The following CFTR variants were observed in gnomAD, a reference collection of about 807,000 sequenced individuals.
The protein encoded by CFTR is CF transmembrane conductance regulator.
A neutral mutation model predicts 171.6 loss-of-function variants in CFTR; 181 were observed. That is an observed-to-expected ratio of 1.05 (90% confidence interval 0.93 to 1.19). The LOEUF is 1.19. Among genes scored for constraint, CFTR ranks in the 50% most tolerant of loss-of-function variants. The pLI is 0.00. For missense variants in CFTR, 1,968 were observed against 1,734.7 expected, an observed-to-expected ratio of 1.13 and a Z score of -2.39; for synonymous variants, 583 against 608.0, an observed-to-expected ratio of 0.96 and a Z score of 0.60.
At chr7:117,581,314 G>A (rs905283682) in intron 11 of CFTR, among the ~76,000 whole-genome samples, 2 of 152,020 alleles carry the variant, frequency 1.3e-5, no homozygotes, top group African/African-American at 4.8e-5. Context: ...TGCTTTTTGT[G>A]TACATCATCT....
chr7:117,531,307 A>G (rs1318367023), intron 4 of CFTR, among the ~76,000 whole-genome samples, 193 bp downstream of exon 4: 1 of 152,146 alleles, frequency 6.6e-6, no homozygotes, highest in Non-Finnish European at 1.5e-5. Flanking sequence ...TTAAACTGAT[A>G]ATTATTGAGT....
chr7:117,652,607 T>C (rs1793104465), intron 23 of CFTR, among the ~76,000 whole-genome samples: 1 of 152,218 alleles, frequency 6.6e-6, no homozygotes, highest in East Asian at 1.9e-4. Flanking sequence ...ACATTGGGAT[T>C]AGAAAAATGT....
intron 22 of CFTR, among the ~76,000 whole-genome samples, chr7:117,640,811 A>C (rs891718981): frequency 2.6e-5 from 4 of 152,188 alleles, no homozygotes; most frequent in Non-Finnish European, 1.5e-5. Context: ...TATTTGTTAG[A>C]TCAGCTAAAT....
intron 10 of CFTR, among the ~76,000 whole-genome samples, chr7:117,554,482 A>G (rs897334009): frequency 6.6e-6 from 1 of 152,132 alleles, no homozygotes; most frequent in South Asian, 2.1e-4. Flanking sequence ...ATTAAGTTTG[A>G]AATGCCTATT....
At chr7:117,591,876 G>C (rs140866245) in intron 13 of CFTR, 58 bp from the exon 14 acceptor site, 4 of 1,075,854 alleles carry the variant, frequency 3.7e-6, no homozygotes, top group Non-Finnish European at 5.4e-6. Flanking sequence ...TAAAATACGA[G>C]ACATATTGCA....
chr7:117,480,232 G>A, intron 1 of CFTR, 85 bp downstream of exon 1: 2 of 1,240,488 alleles, frequency 1.6e-6, no homozygotes, highest in Non-Finnish European at 1.2e-6. Flanking sequence ...TGGGGTAAAG[G>A]AATAAGCAGT....
At chr7:117,609,212 T>C (rs1360405576) in intron 18 of CFTR, among the ~76,000 whole-genome samples, 2 of 152,204 alleles carry the variant, frequency 1.3e-5, no homozygotes, top group African/African-American at 4.8e-5. Context: ...ATTGGAGCAC[T>C]GTATAGTGAA....
intron 1 of CFTR, among the ~76,000 whole-genome samples, chr7:117,503,565 A>AT (rs1390881248): frequency 6.6e-6 from 1 of 152,138 alleles, no homozygotes; most frequent in African/African-American, 2.4e-5. Flanking sequence ...CTGCATAGTG[A>AT]TTTCCCATGC....
At chr7:117,631,275 G>A (rs1792739903) in intron 22 of CFTR, among the ~76,000 whole-genome samples, 1 of 152,110 alleles carries the variant, frequency 6.6e-6, no homozygotes, top group Admixed American at 6.6e-5. Flanking sequence ...AGAGCTACAG[G>A]AGCATCTTTT....
chr7:117,634,588 T>C (rs1275635651), intron 22 of CFTR, among the ~76,000 whole-genome samples: 1 of 152,112 alleles, frequency 6.6e-6, no homozygotes, highest in Non-Finnish European at 1.5e-5. Flanking sequence ...ATGCATTCAA[T>C]GATGTAAATT....
intron 10 of CFTR, among the ~76,000 whole-genome samples, chr7:117,549,956 A>G (rs1357219933): frequency 1.3e-5 from 2 of 152,194 alleles, no homozygotes; most frequent in Non-Finnish European, 1.5e-5. Flanking sequence ...ATTATTTATC[A>G]ATATCTAAGA....
intron 1 of CFTR, among the ~76,000 whole-genome samples, chr7:117,493,021 T>G (rs1023571081): frequency 2.6e-5 from 4 of 152,156 alleles, no homozygotes; most frequent in African/African-American, 9.6e-5. Flanking sequence ...AATAAATCAA[T>G]AGTTTCATTC....
At chr7:117,500,276 T>TTA (rs1425590305) in intron 1 of CFTR, among the ~76,000 whole-genome samples, 10 of 144,806 alleles carry the variant, frequency 6.9e-5, no homozygotes, top group Non-Finnish European at 1.4e-4. Flanking sequence ...TTTTCTTCCT[T>TTA]TCTTTTTTTT....
At chr7:117,519,205 C>T (rs1388074553) in intron 3 of CFTR, among the ~76,000 whole-genome samples, 1 of 151,970 alleles carries the variant, frequency 6.6e-6, no homozygotes, top group East Asian at 1.9e-4. Context: ...AAACTATAAA[C>T]AATTGTGGCA....
At chr7:117,624,556 T>G (rs898433784) in intron 21 of CFTR, among the ~76,000 whole-genome samples, 2 of 152,198 alleles carry the variant, frequency 1.3e-5, no homozygotes, top group Non-Finnish European at 2.9e-5. Context: ...GGCTTTGCCT[T>G]GGAATTGAGG....
chr7:117,521,598 A>C (rs1024384005), intron 3 of CFTR, among the ~76,000 whole-genome samples: 1 of 152,110 alleles, frequency 6.6e-6, no homozygotes, highest in East Asian at 1.9e-4. Context: ...AAACTGTCCT[A>C]TTATTCTTGG....
chr7:117,665,349 A>G, intron 25 of CFTR, 110 bp from the exon 26 acceptor site: 1 of 729,930 alleles, frequency 1.4e-6, no homozygotes, highest in Non-Finnish European at 2.3e-6. Flanking sequence ...AAAAGAACTT[A>G]AAGAAATAAG....
chr7:117,560,889 G>C (rs1472285883), intron 11 of CFTR: 1 of 152,064 alleles, frequency 6.6e-6, no homozygotes, highest in African/African-American at 2.4e-5. Flanking sequence ...TGTAGCAGTG[G>C]TAGTGCCTTA....
At chr7:117,612,035 A>ATATATATATATATATATG (rs1792408835) in intron 20 of CFTR, among the ~76,000 whole-genome samples, 1 of 74,242 alleles carries the variant, frequency 1.3e-5, no homozygotes, top group Non-Finnish European at 2.8e-5. Flanking sequence ...ATATATATAT[A>ATATATATATATATATATG]TATATATATA....
Sources: gnomAD v4.1 joint callset for allele counts (sites outside exome capture counted in the v4.1 genomes callset) on GRCh38, gnomAD v4.1.1 for gene constraint, MANE v1.5 for transcripts, NCBI Gene and HGNC (gene_info 2026-07-23, HGNC 2026-07-21) for gene names.